JAKMIP1: variants seen among roughly 807,000 people sequenced by gnomAD.
JAKMIP1 encodes the protein janus kinase and microtubule-interacting protein 1.
A neutral mutation model predicts 113.0 loss-of-function variants in JAKMIP1; 33 were observed. The observed-to-expected ratio is 0.29, with a 90% CI of 0.22 to 0.39. The LOEUF (loss-of-function observed/expected upper bound fraction) is 0.39, where lower values mean the gene tolerates loss of function less well. JAKMIP1 is among the 10% of genes least tolerant of loss of function. JAKMIP1 has a pLI of 1.00. For missense variants in JAKMIP1, 813 were observed against 1,080.5 expected (o/e 0.75, Z 3.47); for synonymous variants, 480 against 459.9 (o/e 1.04, Z -0.56).
Position 6,142,423 on chromosome 4 carries a change from T to C in JAKMIP1, c.-147-29426A>G, listed in dbSNP as rs1255867424. ...CCAGTGTTTTTTAAACGACTGGTTT[T>C]TGCACCTCCAGCCAAAGTCTTACAT... is the stretch of plus-strand genomic sequence containing the variant. On this transcript the variant is annotated intron_variant, in intron 1 of 20. Transcript: ENST00000409021. This position sits in a 1 kb window ranked among gnomAD's most constrained non-coding sequence, Gnocchi z 5.5. Among the ~76,000 whole-genome samples the C allele has an allele frequency of 6.6e-6, 1 of 152,232 alleles. No homozygotes were observed. The highest frequency in any genetic ancestry group is 2.4e-5 in the African/African-American group (1 of 41,468).
intron 8 of JAKMIP1, 139 bp downstream of exon 8, chr4:6,078,800 C>A: frequency 2.8e-6 from 2 of 720,348 alleles, no homozygotes; most frequent in African/African-American, 1.7e-5. Flanking sequence ...TGATGACAGG[C>A]TTTTCATCAT....
intron 1 of JAKMIP1, among the ~76,000 whole-genome samples, chr4:6,198,455 G>A (rs1408569875): frequency 1.3e-5 from 2 of 152,144 alleles, no homozygotes; most frequent in Non-Finnish European, 2.9e-5. Flanking sequence ...GTGAGGAACT[G>A]GTGAGGTCGT....
At chr4:6,041,799 G>C (rs529427192) in intron 17 of JAKMIP1, among the ~76,000 whole-genome samples, 2 of 152,076 alleles carry the variant, frequency 1.3e-5, no homozygotes, top group African/African-American at 4.8e-5. Context: ...TCCATATCTG[G>C]GCTGTGTCTC....
rs754957412 is a variant in JAKMIP1, at chr4:6,187,402, A to G, written c.-148+12851T>C. Among the ~76,000 whole-genome samples, 9 of 152,200 alleles carry G rather than the reference A, an allele frequency of 5.9e-5. No homozygotes were observed. Among genetic ancestry groups the G allele is most frequent in the Non-Finnish European group, 1.2e-4 (8 of 68,036 alleles). ...CTTGAATCTAAAGTGTGTCTCCTAT[A>G]GACAGTGCTATGATCTGAATGTTTA... On this transcript the variant is annotated intron_variant, in intron 1 of 20. Coordinates refer to ENST00000409021, the MANE Select transcript of JAKMIP1 (RefSeq NM_001099433.2). This position sits in a 1 kb window ranked among gnomAD's most constrained non-coding sequence, Gnocchi z 4.2.
chr4:6,106,043 G>T lies in JAKMIP1; in HGVS notation c.130-76C>A. On this transcript the variant is annotated intron_variant, in intron 2 of 20. Transcript: ENST00000409021. The surrounding 1 kb of genome is among the most constrained non-coding windows in gnomAD (Gnocchi z 5.9). ...GTCAGGGTCAGGGTCACAGCTGGGGGAGCTGGCCACAGCCTCCCCACGCCC... is the reference window on the plus strand; with the variant it reads ...GTCAGGGTCAGGGTCACAGCTGGGGTAGCTGGCCACAGCCTCCCCACGCCC... 3.9e-6 allele frequency: 4 copies of T among 1,021,356 alleles called. No homozygotes were observed. In the South Asian group the frequency reaches 4.8e-5, roughly 12 times the overall value. The allele number at this position is 1,021,356 out of a possible 1,614,324, so 63.3% of individuals were successfully genotyped here.
Position 6,176,633 on chromosome 4 carries a change from A to T in JAKMIP1, c.-148+23620T>A, listed in dbSNP as rs901656728. Among the ~76,000 whole-genome samples, 1 of 152,160 alleles carries T rather than the reference A, an allele frequency of 6.6e-6. No individual in the cohort carries two copies. Among genetic ancestry groups the T allele is most frequent in the Non-Finnish European group, 1.5e-5 (1 of 68,016 alleles). ...TCCATGTTTACAAATGGGGAAACTG[A>T]GGCTTGCAGTGGTAGAATGACTCAC... On this transcript the variant is annotated intron_variant, in intron 1 of 20. Coordinates refer to ENST00000409021, the MANE Select transcript of JAKMIP1 (RefSeq NM_001099433.2). This position sits in a 1 kb window ranked among gnomAD's most constrained non-coding sequence, Gnocchi z 5.5.
chr4:6,177,040 AT>A (rs1560329995), intron 1 of JAKMIP1, among the ~76,000 whole-genome samples: 3 of 152,170 alleles, frequency 2.0e-5, no homozygotes, highest in African/African-American at 4.8e-5. Flanking sequence ...TCTCAAAAAA[AT>A]TTTTTTTAAA....
At chr4:6,118,546 C>T (rs1716188068) in intron 1 of JAKMIP1, among the ~76,000 whole-genome samples, 1 of 152,178 alleles carries the variant, frequency 6.6e-6, no homozygotes, top group South Asian at 2.1e-4. Flanking sequence ...ATATGCCAGG[C>T]TCTTGGCCTG....
chr4:6,123,774 T>C (rs1047695299), intron 1 of JAKMIP1, among the ~76,000 whole-genome samples: 3 of 152,144 alleles, frequency 2.0e-5, no homozygotes, highest in African/African-American at 7.2e-5. Context: ...TGAGTTATGG[T>C]GGCGCCACTG....
intron 1 of JAKMIP1, among the ~76,000 whole-genome samples, chr4:6,134,190 C>A (rs1328464744): frequency 6.6e-6 from 1 of 152,202 alleles, no homozygotes; most frequent in African/African-American, 2.4e-5. Flanking sequence ...CCTTCACATA[C>A]TCGCTGTCTC....
chr4:6,084,420 T>A (rs1234904401), intron 5 of JAKMIP1, among the ~76,000 whole-genome samples: 1 of 152,196 alleles, frequency 6.6e-6, no homozygotes, highest in Non-Finnish European at 1.5e-5. Context: ...TGAACACGTT[T>A]CCATTTCAAT....
At chr4:6,151,392 A>G (rs1721556674) in intron 1 of JAKMIP1, among the ~76,000 whole-genome samples, 1 of 152,134 alleles carries the variant, frequency 6.6e-6, no homozygotes, top group African/African-American at 2.4e-5. Context: ...TCACTGCACC[A>G]CAAAATACTG....
chr4:6,078,402 CT>C lies in JAKMIP1; in HGVS notation c.1302+536del, dbSNP rs11451395. ...TTTACAGGTTTAAAGGCAAACTATG[CT>C]TTTTTTTTTTTTTTTGGTATCAGCT... is the stretch of plus-strand genomic sequence containing the variant. On this transcript the variant is annotated intron_variant, in intron 8 of 20. Coordinates refer to ENST00000409021, the MANE Select transcript of JAKMIP1 (RefSeq NM_001099433.2). Among the ~76,000 whole-genome samples, 383 of 130,486 alleles carry C rather than the reference CT, an allele frequency of 2.9e-3. 2 individuals are homozygous for C. Among genetic ancestry groups the C allele is most frequent in the African/African-American group, 6.8e-3 (239 of 35,274 alleles). The allele number at this position is 130,486 out of a possible 152,430, so 85.6% of individuals were successfully genotyped here. A position where few individuals can be genotyped will look rare whatever the true frequency, so the allele number is the denominator to read the frequency against.
At chr4:6,110,386 G>A (rs1165794993) in intron 2 of JAKMIP1, among the ~76,000 whole-genome samples, 1 of 151,486 alleles carries the variant, frequency 6.6e-6, no homozygotes, top group African/African-American at 2.4e-5. Flanking sequence ...CAGCCTCCAG[G>A]ACTGTGAGAC....
chr4:6,056,835 G>GT, intron 11 of JAKMIP1, 76 bp from the exon 12 acceptor site: 1 of 1,001,460 alleles, frequency 1.0e-6, no homozygotes, highest in Non-Finnish European at 1.6e-6. Flanking sequence ...TAGTGAGAAA[G>GT]GTCACTTTCT....
In JAKMIP1 at chr4:6,193,829, C is replaced by T. The variant is rs1727542472; in HGVS notation, c.-148+6424G>A. 6.6e-6 allele frequency among the ~76,000 whole-genome samples: 1 copy of T among 152,094 alleles called. No individual in the cohort carries two copies. Among genetic ancestry groups the T allele is most frequent in the Admixed American group, 6.6e-5 (1 of 15,266 alleles). On this transcript the variant is annotated intron_variant, in intron 1 of 20. Transcript: ENST00000409021. This position sits in a 1 kb window ranked among gnomAD's most constrained non-coding sequence, Gnocchi z 6.4. ...AGAATAGGACCTGAGCAGCCAAAGC[C>T]CTGGGAAGAAAATGTTAACACCCTG...
At chr4:6,160,336 C>T (rs1722755937) in intron 1 of JAKMIP1, among the ~76,000 whole-genome samples, 1 of 152,248 alleles carries the variant, frequency 6.6e-6, no homozygotes, top group Admixed American at 6.5e-5. Context: ...CAGCAACAAC[C>T]AATTAGTGGA....
rs1471853433 is a variant in JAKMIP1 at position 6,080,819 on chromosome 4, G to A, written c.1102-507C>T. On this transcript the variant is annotated intron_variant, in intron 6 of 20. Transcript: ENST00000409021. This position sits in a 1 kb window ranked among gnomAD's most constrained non-coding sequence, Gnocchi z 6.0. ...GTGGCCACCTTGTCCTGTGCTGGAA[G>A]AGGGGACAGGGCAGACCAAAGCCAA... Among the ~76,000 whole-genome samples the A allele has an allele frequency of 6.6e-6, 1 of 152,160 alleles. No homozygotes were observed. The highest frequency in any genetic ancestry group is 1.9e-4 in the East Asian group (1 of 5,188).
At chr4:6,177,269 C>T (rs972194925) in intron 1 of JAKMIP1, among the ~76,000 whole-genome samples, 10 of 152,140 alleles carry the variant, frequency 6.6e-5, no homozygotes, top group Admixed American at 3.9e-4. Flanking sequence ...CCATCTGATC[C>T]GACCTCCCCA....
Sources: gnomAD v4.1 joint callset for allele counts (sites outside exome capture counted in the v4.1 genomes callset) on GRCh38, gnomAD v4.1.1 for gene constraint, Gnocchi (gnomAD v3.1) non-coding constraint, MANE v1.5 for transcripts, NCBI Gene and HGNC (gene_info 2026-07-23, HGNC 2026-07-21) for gene names.